LRP1B: variants seen among roughly 807,000 people sequenced by gnomAD.
The protein encoded by LRP1B is low-density lipoprotein receptor-related protein 1B.
Under a neutral mutation model 556.6 loss-of-function variants are expected in LRP1B, and 217 were observed. The ratio of observed to expected loss-of-function variants is 0.39; its 90% CI spans 0.35 to 0.44. LRP1B has a LOEUF of 0.44. LRP1B is among the 20% of genes least tolerant of loss of function. The pLI is 1.00. For synonymous variants in LRP1B, 2,047 were observed against 1,865.8 expected (o/e 1.10, Z -2.50); for missense variants, 5,053 against 5,620.8 (o/e 0.90, Z 3.23).
intron 1 of LRP1B, among the ~76,000 whole-genome samples, chr2:141,896,526 A>G (rs1393811420): frequency 6.6e-6 from 1 of 152,142 alleles, no homozygotes; most frequent in East Asian, 1.9e-4. Context: ...GAACATTTCA[A>G]ATTATTATTG....
At chr2:141,420,886 G>C (rs1680109958) in intron 3 of LRP1B, among the ~76,000 whole-genome samples, 1 of 152,164 alleles carries the variant, frequency 6.6e-6, no homozygotes, top group Non-Finnish European at 1.5e-5. Context: ...AGAAAAACCA[G>C]AATGTTGGGT....
At chr2:140,766,477 G>T (rs1163566774) in intron 35 of LRP1B, among the ~76,000 whole-genome samples, 1 of 152,004 alleles carries the variant, frequency 6.6e-6, no homozygotes, top group African/African-American at 2.4e-5. Flanking sequence ...GCAGTGGAAA[G>T]CTCCTGATAG....
chr2:141,330,314 A>G (rs568524229), intron 3 of LRP1B, among the ~76,000 whole-genome samples: 1 of 151,680 alleles, frequency 6.6e-6, no homozygotes, highest in Admixed American at 6.6e-5. Context: ...GTCATCTTAG[A>G]ACAAAACAAA....
At chr2:141,870,236 C>T (rs1698539027) in intron 1 of LRP1B, among the ~76,000 whole-genome samples, 1 of 152,022 alleles carries the variant, frequency 6.6e-6, no homozygotes, top group Admixed American at 6.6e-5. Context: ...CAAAATGACT[C>T]TTATTTTTAT....
intron 1 of LRP1B, among the ~76,000 whole-genome samples, chr2:141,955,575 A>ACC (rs1175202719): frequency 6.6e-6 from 1 of 152,042 alleles, no homozygotes; most frequent in African/African-American, 2.4e-5. Flanking sequence ...CATGGACTTC[A>ACC]CCAGGGGGCT....
rs186057931 is a variant in LRP1B, at chr2:140,915,475, C to T, written c.3320-7398G>A. Among the ~76,000 whole-genome samples the T allele has an allele frequency of 5.7e-4, 69 of 121,944 alleles. 1 individual carries two copies. The East Asian group carries it at 9.3e-3, about 16-fold the overall frequency. The allele number at this position is 121,944 out of a possible 152,430, so 80.0% of individuals were successfully genotyped here. ...AACAGCCTGGCCAACATGGTGAAAA[C>T]GCATCTCTACTAAAAAGAAAAAAAA... On this transcript the variant is annotated intron_variant, in intron 21 of 90. Coordinates refer to ENST00000389484, the MANE Select transcript of LRP1B (RefSeq NM_018557.3).
intron 25 of LRP1B, among the ~76,000 whole-genome samples, chr2:140,881,489 A>G: frequency 6.6e-6 from 1 of 152,216 alleles, no homozygotes; most frequent in South Asian, 2.1e-4. Flanking sequence ...TAACCTCTAT[A>G]AAATAACTTT....
chr2:141,560,102 A>G (rs1003933155), intron 2 of LRP1B, among the ~76,000 whole-genome samples: 1 of 151,668 alleles, frequency 6.6e-6, no homozygotes, highest in Non-Finnish European at 1.5e-5. Flanking sequence ...AGACATGCAA[A>G]AAGAAAAGAA....
At chr2:141,261,685 A>C (rs1227042965) in intron 3 of LRP1B, among the ~76,000 whole-genome samples, 1 of 152,100 alleles carries the variant, frequency 6.6e-6, no homozygotes, top group African/African-American at 2.4e-5. Flanking sequence ...TGTTAGTATT[A>C]GGTAGTTCAT....
At chr2:141,444,478 T>C (rs1387731356) in intron 3 of LRP1B, among the ~76,000 whole-genome samples, 3 of 152,228 alleles carry the variant, frequency 2.0e-5, no homozygotes, top group Non-Finnish European at 4.4e-5. Context: ...ATAGGAGTGG[T>C]GAAAGAGGGC....
intron 35 of LRP1B, among the ~76,000 whole-genome samples, chr2:140,742,499 CAG>C (rs1688175394): frequency 6.6e-6 from 1 of 152,124 alleles, no homozygotes; most frequent in Non-Finnish European, 1.5e-5. Flanking sequence ...TTCAATAAAA[CAG>C]ACGACGAGAA....
At chr2:141,554,917 C>G (rs1460024370) in intron 2 of LRP1B, among the ~76,000 whole-genome samples, 1 of 151,964 alleles carries the variant, frequency 6.6e-6, no homozygotes. Context: ...ACCAAAGACT[C>G]TGTGGTGTAT....
chr2:141,756,827 G>A (rs1056051114), intron 2 of LRP1B, among the ~76,000 whole-genome samples: 1 of 152,016 alleles, frequency 6.6e-6, no homozygotes, highest in African/African-American at 2.4e-5. Context: ...TACCATCTAG[G>A]TTTGTGTAAG....
chr2:140,599,056 A>C (rs1054976505), intron 42 of LRP1B, among the ~76,000 whole-genome samples: 1 of 152,120 alleles, frequency 6.6e-6, no homozygotes, highest in African/African-American at 2.4e-5. Context: ...ACTTCTAAAA[A>C]ATAATTATCC....
intron 1 of LRP1B, among the ~76,000 whole-genome samples, chr2:141,846,340 G>A (rs545984054): frequency 6.6e-6 from 1 of 151,474 alleles, no homozygotes; most frequent in South Asian, 2.1e-4. Flanking sequence ...AAGAAATTGG[G>A]AATGTAAATA....
chr2:141,326,023 C>T (rs1359266879), intron 3 of LRP1B, among the ~76,000 whole-genome samples: 1 of 151,950 alleles, frequency 6.6e-6, no homozygotes, highest in Non-Finnish European at 1.5e-5. Flanking sequence ...TGCATAAAAA[C>T]ACAATTAACA....
chr2:142,076,735 G>A (rs751222518), intron 1 of LRP1B, among the ~76,000 whole-genome samples: 7 of 152,028 alleles, frequency 4.6e-5, no homozygotes, highest in Non-Finnish European at 7.4e-5. Flanking sequence ...AGAAATCTCC[G>A]AAGAGGAGTC....
chr2:140,345,741 TATATATACACATATATAC>T (rs1305966972), intron 77 of LRP1B, among the ~76,000 whole-genome samples: 5 of 123,566 alleles, frequency 4.0e-5, no homozygotes, highest in East Asian at 2.0e-4. Flanking sequence ...TATATATACA[TATATATACACATATATAC>T]ATATATACAC....
At chr2:141,193,439 G>T (rs976862043) in intron 6 of LRP1B, among the ~76,000 whole-genome samples, 2 of 152,010 alleles carry the variant, frequency 1.3e-5, no homozygotes, top group Non-Finnish European at 2.9e-5. Flanking sequence ...TATGTTGTTT[G>T]CAGGAATATG....
Sources: allele counts gnomAD v4.1 joint callset (sites outside exome capture counted in the v4.1 genomes callset), GRCh38; gene constraint gnomAD v4.1.1; transcripts MANE v1.5; gene names NCBI Gene and HGNC (gene_info 2026-07-23, HGNC 2026-07-21).